The following SLC25A4 variants were observed in gnomAD, a reference collection of about 807,000 sequenced individuals.
SLC25A4 encodes ADP/ATP translocase 1.
In SLC25A4, 10 loss-of-function variants were observed where a neutral mutation model predicts 24.7. The observed-to-expected ratio is 0.41, with a 90% CI of 0.25 to 0.69. The LOEUF (loss-of-function observed/expected upper bound fraction) is 0.69, where lower values mean the gene tolerates loss of function less well. SLC25A4 is among the 30% of genes least tolerant of loss of function. The pLI, the probability that SLC25A4 is intolerant of heterozygous loss-of-function variation, is 0.35. For missense variants in SLC25A4, 273 were observed against 387.6 expected (o/e 0.70, Z 2.48); for synonymous variants, 125 against 153.3 (o/e 0.82, Z 1.36).
chr4:185,146,236 G>C (rs1734441332), intron 3 of SLC25A4, among the ~76,000 whole-genome samples: 1 of 152,130 alleles, frequency 6.6e-6, no homozygotes, highest in Admixed American at 6.5e-5. Context: ...TTCTTACAAA[G>C]AACTCTTGCT....
At position 185,145,953 on chromosome 4, in the gene SLC25A4, T is replaced by G; in HGVS notation, c.739+54T>G. 1 of 1,597,532 alleles carries G rather than the reference T, an allele frequency of 6.3e-7. No homozygotes were observed. Among genetic ancestry groups the G allele is most frequent in the Non-Finnish European group, 8.6e-7 (1 of 1,167,024 alleles). On this transcript the variant is annotated intron_variant, in intron 3 of 3. Transcript: ENST00000281456. This position sits in a 1 kb window ranked among gnomAD's most constrained non-coding sequence, Gnocchi z 5.5. ...TGTTTGGTTTTGCCCGAGGAGAACA[T>G]TTTACAGGGCTCCTTTCAGTCTTCC... is the stretch of plus-strand genomic sequence containing the variant.
In SLC25A4 at chr4:185,143,435, C is replaced by G; in HGVS notation, c.63C>G (p.Val21=). The part of the protein sequence containing the change: ...DFLAGGVAAA[V]SKTAVAPIER... ...TGGCCGGGGGCGTCGCCGCTGCCGT[C>G]TCCAAGACCGCGGTCGCCCCCATCG... The change falls in exon 1 of 4, where the codon GTC becomes GTG. Residue 21 remains valine, a synonymous_variant. Coordinates refer to ENST00000281456, the MANE Select transcript of SLC25A4 (RefSeq NM_001151.4). 1 of 1,516,446 alleles carries G rather than the reference C, an allele frequency of 6.6e-7. No homozygotes were observed. The highest frequency in any genetic ancestry group is 8.9e-7 in the Non-Finnish European group (1 of 1,129,314). The allele number at this position is 1,516,446 out of a possible 1,614,324, so 93.9% of individuals were successfully genotyped here. A position where few individuals can be genotyped will look rare whatever the true frequency, so the allele number is the denominator to read the frequency against.
rs1579209559 is a variant in SLC25A4, at chr4:185,144,976, G to A, written c.324G>A (p.Gln108=). The A allele has an allele frequency of 6.2e-7, 1 of 1,613,448 alleles. No individual in the cohort carries two copies. Among genetic ancestry groups the A allele is most frequent in the Non-Finnish European group, 8.5e-7 (1 of 1,179,806 alleles). The stretch of plus-strand genomic sequence containing the variant: ...TAGGGGGTGTGGATCGGCATAAGCA[G>A]TTCTGGCGCTACTTTGCTGGTAACC... ...LFLGGVDRHK[Q]FWRYFAGNLA... Residue 108 remains glutamine (Q), a synonymous_variant, in exon 2 of 4, where the codon CAG becomes CAA. Coordinates refer to ENST00000281456, the MANE Select transcript of SLC25A4 (RefSeq NM_001151.4).
In SLC25A4 at chr4:185,147,029, T is replaced by TTTACAGTGAA; in HGVS notation, c.*58_*59insTTACAGTGAA. 6.6e-7 allele frequency: 1 copy of TTTACAGTGAA among 1,514,040 alleles called. No individual in the cohort carries two copies. Among genetic ancestry groups the TTTACAGTGAA allele is most frequent in the Non-Finnish European group, 9.1e-7 (1 of 1,095,158 alleles). 93.8% of individuals were successfully genotyped at this position (1,514,040 alleles called of 1,614,324 possible). On this transcript the variant is annotated 3_prime_UTR_variant, in exon 4 of 4. Coordinates refer to ENST00000281456, the MANE Select transcript of SLC25A4 (RefSeq NM_001151.4). ...TGAACTTGATCTACAAGTTCACAGA[T>TTTACAGTGAA]CCATTGTGTGGTTTAATAGACTATT...
At chr4:185,144,044 C>G (rs772046620) in intron 1 of SLC25A4, among the ~76,000 whole-genome samples, 3 of 152,158 alleles carry the variant, frequency 2.0e-5, no homozygotes, top group Non-Finnish European at 4.4e-5. Flanking sequence ...TCAGATCATC[C>G]TGTCTCCAAA....
At chr4:185,143,846 A>C (rs538556077) in intron 1 of SLC25A4, among the ~76,000 whole-genome samples, 2 of 152,252 alleles carry the variant, frequency 1.3e-5, no homozygotes, top group East Asian at 3.9e-4. Context: ...TCTTATGCGC[A>C]CGCACCTTTA....
rs1734435265 is a variant in SLC25A4, at chr4:185,145,955, T to G, written c.739+56T>G. 5.0e-6 allele frequency: 8 copies of G among 1,595,344 alleles called. No individual in the cohort carries two copies. The Admixed American group carries it at 5.1e-5, about 10-fold the overall frequency. On this transcript the variant is annotated intron_variant, in intron 3 of 3. Transcript: ENST00000281456. This position sits in a 1 kb window ranked among gnomAD's most constrained non-coding sequence, Gnocchi z 5.5. Reference sequence around the variant, plus strand: ...TTTGGTTTTGCCCGAGGAGAACATTTTACAGGGCTCCTTTCAGTCTTCCTT... The same window carrying G: ...TTTGGTTTTGCCCGAGGAGAACATTGTACAGGGCTCCTTTCAGTCTTCCTT...
In SLC25A4 at chr4:185,148,923, G is replaced by C. The variant is rs767437135; in HGVS notation, c.*1952G>C. 1 of 152,248 alleles carries C rather than the reference G, an allele frequency of 6.6e-6. No homozygotes were observed. Among genetic ancestry groups the C allele is most frequent in the African/African-American group, 2.4e-5 (1 of 41,426 alleles). 9.4% of individuals were successfully genotyped at this position (152,248 alleles called of 1,614,324 possible). A position where few individuals can be genotyped will look rare whatever the true frequency, so the allele number is the denominator to read the frequency against. ...ACCTTGCTTACCAAGCCCTTCCACCGACTCACTCCTGCCTCCCCAGCTAAA... is the reference window on the plus strand; with the variant it reads ...ACCTTGCTTACCAAGCCCTTCCACCCACTCACTCCTGCCTCCCCAGCTAAA... On this transcript the variant is annotated 3_prime_UTR_variant, in exon 4 of 4. Transcript: ENST00000281456.
intron 1 of SLC25A4, 26 bp from the exon 2 acceptor site, chr4:185,144,738 C>T (rs1240082499): frequency 6.2e-7 from 1 of 1,612,186 alleles, no homozygotes; most frequent in African/African-American, 1.3e-5. Context: ...TGCCTGTCCT[C>T]TGTCACCCAC....
chr4:185,148,601 G>C lies in SLC25A4; in HGVS notation c.*1630G>C, dbSNP rs1042035814. 12 of 152,180 alleles carry C rather than the reference G, an allele frequency of 7.9e-5. No homozygotes were observed. Among genetic ancestry groups the C allele is most frequent in the African/African-American group, 2.2e-4 (9 of 41,430 alleles). The allele number at this position is 152,180 out of a possible 1,614,324, so 9.4% of individuals were successfully genotyped here. On this transcript the variant is annotated 3_prime_UTR_variant, in exon 4 of 4. Coordinates refer to ENST00000281456, the MANE Select transcript of SLC25A4 (RefSeq NM_001151.4). Reference sequence around the variant, plus strand: ...AACCAGATTTAGAAACATGGGTATAGAAAGCATCCTCCAGTACTTCTGTAA... The same window carrying C: ...AACCAGATTTAGAAACATGGGTATACAAAGCATCCTCCAGTACTTCTGTAA...
chr4:185,145,897 G>T lies in SLC25A4; in HGVS notation c.737G>T (p.Gly246Val). Reference protein sequence around the residue: ...RRMMMQSGRKGADIMYTGTVD... With the variant: ...RRMMMQSGRKVADIMYTGTVD... ...ATGATGATGCAGTCCGGCCGGAAAG[G>T]GGGTAAGCTTGTGCTCTACTCATCT... Residue 246 changes from glycine to valine, a missense_variant and splice_region_variant, in exon 3 of 4, where the codon GGG (glycine) becomes GTG (valine). Physicochemically the swap from Gly to Val is moderately radical, Grantham distance 109. Transcript: ENST00000281456. This position sits in a 1 kb window ranked among gnomAD's most constrained non-coding sequence, Gnocchi z 5.5. The T allele has an allele frequency of 1.9e-6, 3 of 1,614,160 alleles. No homozygotes were observed. The highest frequency in any genetic ancestry group is 2.7e-5 in the African/African-American group (2 of 75,062).
rs1302019207 is a variant in SLC25A4, at chr4:185,144,800, C to A, written c.148C>A (p.Gln50Lys). 1.9e-6 allele frequency: 3 copies of A among 1,613,976 alleles called. No individual in the cohort carries two copies. Among genetic ancestry groups the A allele is most frequent in the Admixed American group, 1.7e-5 (1 of 59,998 alleles). ...CAGCAAACAGATCAGTGCTGAGAAG[C>A]AGTACAAAGGGATCATTGATTGTGT... The part of the protein sequence containing the change: ...HASKQISAEK[Q>K]YKGIIDCVVR... Residue 50 changes from glutamine (Q) to lysine (K), a missense_variant, in exon 2 of 4, where the codon CAG becomes AAG. Gln to Lys is a moderately conservative substitution (Grantham distance 53). Coordinates refer to ENST00000281456, the MANE Select transcript of SLC25A4 (RefSeq NM_001151.4).
At chr4:185,146,477 C>G (rs1579210598) in intron 3 of SLC25A4, among the ~76,000 whole-genome samples, 1 of 152,236 alleles carries the variant, frequency 6.6e-6, no homozygotes, top group African/African-American at 2.4e-5. Flanking sequence ...GAGGCTCGGC[C>G]TCAGTTCGGT....
At chr4:185,144,725 C>A in intron 1 of SLC25A4, 39 bp from the exon 2 acceptor site, 1 of 1,599,128 alleles carries the variant, frequency 6.3e-7, no homozygotes, top group Non-Finnish European at 8.6e-7. Flanking sequence ...CTTCTCTCTA[C>A]CCTGCCTGTC....
intron 1 of SLC25A4, 32 bp downstream of exon 1, chr4:185,143,515 G>C (rs1734382768): frequency 1.2e-5 from 12 of 1,032,086 alleles, no homozygotes; most frequent in Non-Finnish European, 1.4e-5. Flanking sequence ...AGGCGGGCGC[G>C]GGCGCGGCGG....
rs752314517 is a variant in SLC25A4 at position 185,146,967 on chromosome 4, T to C, written c.893T>C (p.Val298Ala). 1 of 1,613,628 alleles carries C rather than the reference T, an allele frequency of 6.2e-7. No homozygotes were observed. Among genetic ancestry groups the C allele is most frequent in the East Asian group, 2.2e-5 (1 of 44,898 alleles). Residue 298 changes from valine (V) to alanine (A), a missense_variant, in exon 4 of 4, where the codon GTC becomes GCC. By Grantham distance (64) the Val-to-Ala change is moderately conservative. Coordinates refer to ENST00000281456, the MANE Select transcript of SLC25A4 (RefSeq NM_001151.4). The stretch of plus-strand genomic sequence containing the variant: ...TTGTATGATGAGATCAAAAAATATG[T>C]CTAATGTAATTAAAACACAAGTTCA... ...LVLYDEIKKYV is the reference protein window; with the variant it reads ...LVLYDEIKKYA
Position 185,145,662 on chromosome 4 carries a change from G to A in SLC25A4, c.599-97G>A, listed in dbSNP as rs1200274484. 6.7e-7 allele frequency: 1 copy of A among 1,481,758 alleles called. No homozygotes were observed. The highest frequency in any genetic ancestry group is 9.3e-7 in the Non-Finnish European group (1 of 1,072,308). The allele number at this position is 1,481,758 out of a possible 1,614,324, so 91.8% of individuals were successfully genotyped here. On this transcript the variant is annotated intron_variant, in intron 2 of 3. Transcript: ENST00000281456. The surrounding 1 kb of genome is among the most constrained non-coding windows in gnomAD (Gnocchi z 5.5). Reference sequence around the variant, plus strand: ...GGGGCAGGTTCCCCGCAAGGTCAGAGCATGGAGCTGGAGGTGCAGTGGCCT... The same window carrying A: ...GGGGCAGGTTCCCCGCAAGGTCAGAACATGGAGCTGGAGGTGCAGTGGCCT...
Position 185,147,237 on chromosome 4 carries a change from T to A in SLC25A4, c.*266T>A. 2.6e-6 allele frequency: 1 copy of A among 391,012 alleles called. No individual in the cohort carries two copies. The highest frequency in any genetic ancestry group is 4.6e-6 in the Non-Finnish European group (1 of 215,218). The allele number at this position is 391,012 out of a possible 1,614,324, so 24.2% of individuals were successfully genotyped here. A position where few individuals can be genotyped will look rare whatever the true frequency, so the allele number is the denominator to read the frequency against. ...AATTAACTGAAGAATTGATAATAAC[T>A]GAATGTGAAACATCAATAAAGACCA... On this transcript the variant is annotated 3_prime_UTR_variant, in exon 4 of 4. Transcript: ENST00000281456.
chr4:185,149,748 G>A lies in SLC25A4; in HGVS notation c.*2777G>A, dbSNP rs1002489462. 1 of 152,214 alleles carries A rather than the reference G, an allele frequency of 6.6e-6. No homozygotes were observed. The highest frequency in any genetic ancestry group is 1.5e-5 in the Non-Finnish European group (1 of 68,072). 9.4% of individuals were successfully genotyped at this position (152,214 alleles called of 1,614,324 possible). ...CATTTCCCACACAGCTCTCTCCTAG[G>A]CGCAGCCCTCCTTCACCACCACCAC... On this transcript the variant is annotated 3_prime_UTR_variant, in exon 4 of 4. Transcript: ENST00000281456.
Sources: gnomAD v4.1 joint callset for allele counts (sites outside exome capture counted in the v4.1 genomes callset) on GRCh38, gnomAD v4.1.1 for gene constraint, Gnocchi (gnomAD v3.1) non-coding constraint, MANE v1.5 for transcripts, NCBI Gene and HGNC (gene_info 2026-07-23, HGNC 2026-07-21) for gene names.